The following KIF26B variants were observed in gnomAD, a reference collection of about 807,000 sequenced individuals.
KIF26B encodes the protein kinesin family member 26B, also known as kinesin-like protein KIF26B.
KIF26B carries 63 observed loss-of-function variants against 151.2 expected under a neutral mutation model. The ratio of observed to expected loss-of-function variants is 0.42; its 90% confidence interval spans 0.34 to 0.51. The LOEUF is 0.51. Ranked by LOEUF, KIF26B falls within the 20% of genes least tolerant of loss-of-function variation. The pLI, the probability that KIF26B is intolerant of heterozygous loss-of-function variation, is 0.07. For synonymous variants in KIF26B, 1,357 were observed against 1,262.1 expected (o/e 1.08, Z -1.59); for missense variants, 2,813 against 2,913.6 (o/e 0.97, Z 0.79).
intron 10 of KIF26B, among the ~76,000 whole-genome samples, chr1:245,649,313 C>G (rs1288865719): frequency 6.6e-6 from 1 of 152,194 alleles, no homozygotes; most frequent in Non-Finnish European, 1.5e-5. Context: ...CAGGATCAAA[C>G]TGCCTCGCTC....
chr1:245,703,712 C>T lies in KIF26B; in HGVS notation c.*1106C>T, dbSNP rs1049187194. ...TAGATTGATTAAAGTGGGTTTTTCC[C>T]CAGCTGAGAGACCTTCTCAGGCTTG... On this transcript the variant is annotated 3_prime_UTR_variant, in exon 15 of 15. Transcript: ENST00000407071. 1 of 152,110 alleles carries T rather than the reference C, an allele frequency of 6.6e-6. No homozygotes were observed. Among genetic ancestry groups the T allele is most frequent in the African/African-American group, 2.4e-5 (1 of 41,416 alleles). The allele number at this position is 152,110 out of a possible 1,614,324, so 9.4% of individuals were successfully genotyped here. A position where few individuals can be genotyped will look rare whatever the true frequency, so the allele number is the denominator to read the frequency against.
rs115787490 is a variant in KIF26B, at chr1:245,369,330, C to T, written c.999+1963C>T. Among the ~76,000 whole-genome samples, 256 of 152,274 alleles carry T rather than the reference C, an allele frequency of 1.7e-3. 1 individual carries two copies. The highest frequency in any genetic ancestry group is 6.0e-3 in the African/African-American group (249 of 41,540). The stretch of plus-strand genomic sequence containing the variant: ...GAACACATAGCATAGTTTTGTTACG[C>T]CGGACAAGATACAGGGAAACGTGGA... On this transcript the variant is annotated intron_variant, in intron 3 of 14. Transcript: ENST00000407071.
intron 4 of KIF26B, among the ~76,000 whole-genome samples, chr1:245,507,608 G>A (rs1660750149): frequency 1.3e-5 from 2 of 152,104 alleles, no homozygotes; most frequent in Admixed American, 6.5e-5. Flanking sequence ...CCCACAGCTG[G>A]GGCAACAAGT....
At chr1:245,197,753 A>G (rs1485066373) in intron 2 of KIF26B, among the ~76,000 whole-genome samples, 2 of 152,322 alleles carry the variant, frequency 1.3e-5, no homozygotes. Context: ...ATAAAGTGAC[A>G]CAGGAGATAT....
At chr1:245,556,577 T>G (rs1224669000) in intron 5 of KIF26B, among the ~76,000 whole-genome samples, 1 of 152,242 alleles carries the variant, frequency 6.6e-6, no homozygotes, top group East Asian at 1.9e-4. Context: ...TTTTTGTATT[T>G]TTTTGGTAGA....
At chr1:245,691,988 T>C (rs764304946) in intron 12 of KIF26B, among the ~76,000 whole-genome samples, 1 of 152,200 alleles carries the variant, frequency 6.6e-6, no homozygotes, top group Non-Finnish European at 1.5e-5. Flanking sequence ...ACTGTCCTCT[T>C]TGAGCTTCAA....
intron 3 of KIF26B, among the ~76,000 whole-genome samples, chr1:245,373,114 C>G (rs756464763): frequency 4.6e-5 from 7 of 152,172 alleles, no homozygotes; most frequent in Non-Finnish European, 1.0e-4. Context: ...AGTTTGATCT[C>G]TTTTGCTAAA....
chr1:245,660,040 C>T (rs1049221768), intron 10 of KIF26B, among the ~76,000 whole-genome samples: 2 of 151,586 alleles, frequency 1.3e-5, no homozygotes, highest in Non-Finnish European at 2.9e-5. Context: ...CAGGGCGAGA[C>T]TCCATCTCAG....
At chr1:245,354,408 C>T (rs1248693507) in intron 2 of KIF26B, among the ~76,000 whole-genome samples, 3 of 152,214 alleles carry the variant, frequency 2.0e-5, no homozygotes, top group South Asian at 2.1e-4. Flanking sequence ...TGACCAGCCT[C>T]GTAAGCCATG....
In KIF26B at chr1:245,687,270, C is replaced by T; in HGVS notation, c.4287C>T (p.Asn1429=). 6.2e-7 allele frequency: 1 copy of T among 1,611,360 alleles called. No homozygotes were observed. The highest frequency in any genetic ancestry group is 8.5e-7 in the Non-Finnish European group (1 of 1,179,244). The part of the protein sequence containing the change: ...TLAQSRESKE[N]SAKKEMKFED... ...CCCAGTCCCGGGAGAGTAAGGAAAA[C>T]AGTGCAAAGAAAGAGATGAAATTTG... Residue 1429 remains asparagine (N), a synonymous_variant, in exon 12 of 15, where the codon AAC becomes AAT. Coordinates refer to ENST00000407071, the MANE Select transcript of KIF26B (RefSeq NM_018012.4). This position sits in a 1 kb window ranked among gnomAD's most constrained non-coding sequence, Gnocchi z 4.9.
At chr1:245,184,908 C>G (rs1357038965) in intron 2 of KIF26B, among the ~76,000 whole-genome samples, 1 of 152,196 alleles carries the variant, frequency 6.6e-6, no homozygotes, top group Admixed American at 6.5e-5. Flanking sequence ...GAGCGTCTTG[C>G]TTGCACTGCA....
intron 3 of KIF26B, among the ~76,000 whole-genome samples, chr1:245,406,715 G>A (rs554339426): frequency 6.6e-6 from 1 of 152,228 alleles, no homozygotes; most frequent in South Asian, 2.1e-4. Context: ...GTTACATAAA[G>A]CACGTATTCA....
intron 10 of KIF26B, among the ~76,000 whole-genome samples, chr1:245,650,125 GGCTCCAACCCCTCGT>G (rs2043999237): frequency 6.6e-6 from 1 of 152,102 alleles, no homozygotes; most frequent in Non-Finnish European, 1.5e-5. Context: ...GACCACCAAG[GGCTCCAACCCCTCGT>G]CAGTTCTGCA....
At chr1:245,576,287 C>T (rs7556045) in intron 5 of KIF26B, among the ~76,000 whole-genome samples, 10 of 152,148 alleles carry the variant, frequency 6.6e-5, no homozygotes, top group Non-Finnish European at 1.5e-4. Context: ...GCCATCTATA[C>T]GTGAAGTGTC....
At chr1:245,228,423 G>C (rs755376895) in intron 2 of KIF26B, among the ~76,000 whole-genome samples, 13 of 152,132 alleles carry the variant, frequency 8.5e-5, no homozygotes, top group Non-Finnish European at 1.6e-4. Context: ...AAAGTTAGCT[G>C]GGCCTGGAGG....
intron 3 of KIF26B, among the ~76,000 whole-genome samples, chr1:245,369,211 C>CAGACAGAG (rs1029560810): frequency 3.3e-5 from 5 of 151,794 alleles, no homozygotes; most frequent in African/African-American, 1.2e-4. Flanking sequence ...GACAGACAGA[C>CAGACAGAG]AGACAGTTTA....
intron 2 of KIF26B, among the ~76,000 whole-genome samples, chr1:245,158,866 GT>G (rs61442169): frequency 0.8 from 116,230 of 145,492 alleles, 46,228 homozygotes; most frequent in Middle Eastern, 0.87. Flanking sequence ...GTGTGTGTGT[GT>G]GTGGTGTGTG....
chr1:245,565,302 A>T (rs6428935), intron 5 of KIF26B, among the ~76,000 whole-genome samples: 64,687 of 148,766 alleles, frequency 0.43, 14,715 homozygotes, highest in African/African-American at 0.57. Flanking sequence ...TGTTTTTTTT[A>T]TTTTGAGACA....
chr1:245,526,433 G>T (rs761436423), intron 4 of KIF26B, among the ~76,000 whole-genome samples: 14 of 152,146 alleles, frequency 9.2e-5, no homozygotes, highest in African/African-American at 3.4e-4. Context: ...TCTGTGTCTG[G>T]TACCTATTTG....
Sources: allele counts gnomAD v4.1 joint callset (sites outside exome capture counted in the v4.1 genomes callset), GRCh38; gene constraint gnomAD v4.1.1; non-coding constraint Gnocchi (gnomAD v3.1); transcripts MANE v1.5; gene names NCBI Gene and HGNC (gene_info 2026-07-23, HGNC 2026-07-21).